SHISA9: variants seen among roughly 807,000 people sequenced by gnomAD.
SHISA9 encodes the protein shisa family member 9, also known as protein shisa-9.
SHISA9 carries 13 observed loss-of-function variants against 38.0 expected under a neutral mutation model. That is an observed-to-expected ratio of 0.34 (90% CI 0.22 to 0.54). The LOEUF (loss-of-function observed/expected upper bound fraction) is 0.54. SHISA9 is among the 20% of genes least tolerant of loss of function. The pLI, the probability that SHISA9 is intolerant of heterozygous loss-of-function variation, is 0.91. For missense variants in SHISA9, 538 were observed against 575.8 expected (o/e 0.93, Z 0.67); for synonymous variants, 275 against 242.0 (o/e 1.14, Z -1.27).
the SHISA9 span, among the ~76,000 whole-genome samples, chr16:13,489,565 T>C: frequency 2.6e-5 from 4 of 152,170 alleles, no homozygotes; most frequent in African/African-American, 9.7e-5. Context: ...ACTGTTCTCA[T>C]GGTAGTGAAT....
chr16:13,369,640 C>G, the SHISA9 span, among the ~76,000 whole-genome samples: 4 of 151,562 alleles, frequency 2.6e-5, no homozygotes, highest in African/African-American at 9.7e-5. Context: ...TGGGGCTCTC[C>G]GTCTTTGTGC....
intron 2 of SHISA9, among the ~76,000 whole-genome samples, chr16:13,122,648 A>G (rs796293806): frequency 2.0e-5 from 3 of 152,254 alleles, no homozygotes; most frequent in Non-Finnish European, 4.4e-5. Flanking sequence ...GGAGAAGGAC[A>G]TTGACATTAG....
At chr16:13,169,888 G>A (rs1286805670) in intron 2 of SHISA9, among the ~76,000 whole-genome samples, 2 of 152,012 alleles carry the variant, frequency 1.3e-5, no homozygotes, top group African/African-American at 4.8e-5. Flanking sequence ...CCTTACATGC[G>A]TATTTAAAAT....
chr16:13,007,032 C>T (rs2072606813), intron 2 of SHISA9, among the ~76,000 whole-genome samples: 1 of 152,200 alleles, frequency 6.6e-6, no homozygotes, highest in African/African-American at 2.4e-5. Context: ...CCAAATTATT[C>T]ACTTGTTAAA....
At chr16:13,391,846 T>C in the SHISA9 span, among the ~76,000 whole-genome samples, 1 of 152,220 alleles carries the variant, frequency 6.6e-6, no homozygotes, top group Non-Finnish European at 1.5e-5. Flanking sequence ...GTAATAACGG[T>C]GGCAATTCAG....
the SHISA9 span, among the ~76,000 whole-genome samples, chr16:13,317,593 C>G: frequency 6.6e-6 from 1 of 152,174 alleles, no homozygotes; most frequent in Admixed American, 6.5e-5. Context: ...TCTGCCTACC[C>G]TCTGGGTGAC....
chr16:12,908,698 C>T (rs966093807), intron 1 of SHISA9: 25 of 1,499,844 alleles, frequency 1.7e-5, no homozygotes, highest in South Asian at 6.5e-5. Flanking sequence ...GCTCATGCAT[C>T]GGGGCCAGTT....
At chr16:13,154,846 A>T (rs2050529863) in intron 2 of SHISA9, among the ~76,000 whole-genome samples, 1 of 152,180 alleles carries the variant, frequency 6.6e-6, no homozygotes, top group Non-Finnish European at 1.5e-5. Flanking sequence ...TTGAAAGCAG[A>T]CACGGTTACG....
chr16:12,969,924 C>T (rs546268808), intron 2 of SHISA9, among the ~76,000 whole-genome samples: 1 of 151,850 alleles, frequency 6.6e-6, no homozygotes, highest in Non-Finnish European at 1.5e-5. Context: ...GTTTAGGGAC[C>T]ATGTCACAGA....
the SHISA9 span, among the ~76,000 whole-genome samples, chr16:13,298,627 A>G: frequency 8.5e-5 from 13 of 152,196 alleles, no homozygotes; most frequent in African/African-American, 3.1e-4. Context: ...GTCTGACTCT[A>G]GGGCTTGAGC....
chr16:12,960,467 A>G (rs183952504), intron 2 of SHISA9, among the ~76,000 whole-genome samples: 2 of 152,306 alleles, frequency 1.3e-5, no homozygotes, highest in East Asian at 1.9e-4. Context: ...ACGTGCACAC[A>G]TATGTTCATT....
the SHISA9 span, among the ~76,000 whole-genome samples, chr16:13,446,554 A>G: frequency 6.6e-6 from 1 of 152,150 alleles, no homozygotes; most frequent in Non-Finnish European, 1.5e-5. Context: ...GTCTTAGAGA[A>G]TGAGATTTTG....
chr16:13,533,610 C>T, the SHISA9 span, among the ~76,000 whole-genome samples: 3 of 151,926 alleles, frequency 2.0e-5, no homozygotes, highest in East Asian at 5.8e-4. Context: ...TTCTGACCTT[C>T]CCTGTTGCAT....
chr16:13,545,200 G>C, the SHISA9 span, among the ~76,000 whole-genome samples: 3 of 152,176 alleles, frequency 2.0e-5, no homozygotes, highest in Admixed American at 6.5e-5. Flanking sequence ...CGAATAATTT[G>C]TCCAAGATCG....
intron 2 of SHISA9, among the ~76,000 whole-genome samples, chr16:13,074,119 G>A (rs1382130404): frequency 1.3e-5 from 2 of 151,914 alleles, no homozygotes; most frequent in Non-Finnish European, 2.9e-5. Flanking sequence ...ACAGGCGCCC[G>A]CCATCACGCC....
chr16:13,429,769 T>A, the SHISA9 span, among the ~76,000 whole-genome samples: 1 of 152,178 alleles, frequency 6.6e-6, no homozygotes, highest in Non-Finnish European at 1.5e-5. Context: ...GCTTGGTTAT[T>A]TATGAATTAA....
chr16:13,180,384 C>G (rs1480867243), intron 2 of SHISA9, among the ~76,000 whole-genome samples: 2 of 152,160 alleles, frequency 1.3e-5, no homozygotes, highest in Non-Finnish European at 2.9e-5. Context: ...CATGGCTGAC[C>G]TTGGTGCTTA....
At chr16:13,093,926 C>G (rs982863475) in intron 2 of SHISA9, among the ~76,000 whole-genome samples, 6 of 152,106 alleles carry the variant, frequency 3.9e-5, no homozygotes, top group African/African-American at 1.2e-4. Context: ...TCATCCCTCC[C>G]CTTCTGTGGG....
the SHISA9 span, among the ~76,000 whole-genome samples, chr16:13,257,191 C>T: frequency 2.6e-5 from 4 of 152,172 alleles, no homozygotes; most frequent in Admixed American, 2.0e-4. Flanking sequence ...AAGGAACCAT[C>T]CCAGGACAAG....
Sources: gnomAD v4.1 joint callset for allele counts (sites outside exome capture counted in the v4.1 genomes callset) on GRCh38, gnomAD v4.1.1 for gene constraint, MANE v1.5 for transcripts, NCBI Gene and HGNC (gene_info 2026-07-23, HGNC 2026-07-21) for gene names.